Variants in NAA10 observed in about 807,000 individuals in gnomAD.
NAA10 encodes N-alpha-acetyltransferase 10, NatA catalytic subunit, also known as N-alpha-acetyltransferase 10.
NAA10 carries 6 observed loss-of-function variants against 19.2 expected under a neutral mutation model. The observed-to-expected ratio is 0.31, with a 90% CI of 0.17 to 0.62. The LOEUF is 0.62. Among genes scored for constraint, NAA10 ranks in the 20% least tolerant of loss-of-function variants. The pLI, the probability that NAA10 is intolerant of heterozygous loss-of-function variation, is 0.83. For synonymous variants in NAA10, 97 were observed against 79.9 expected (o/e 1.21, Z -1.14); for missense variants, 101 against 198.4 (o/e 0.51, Z 2.95).
chrX:153,931,019 C>T, intron 6 of NAA10, 172 bp from the exon 7 acceptor site: 1 of 1,168,790 alleles, frequency 8.6e-7, no homozygotes, highest in East Asian at 3.1e-5. Context: ...AGCAAAGGCT[C>T]CAGGACACAG....
Position 153,935,010 on chromosome X carries a change from C to T in NAA10, c.-106G>A, listed in dbSNP as rs192489081. ...GGCCGGGGCTGGGACCGGAGCTGGG[C>T]TCGCTGGGCGACGGCGGAAGGGGCG... On this transcript the variant is annotated 5_prime_UTR_variant, in exon 1 of 8. Transcript: ENST00000464845. 3,279 of 781,882 alleles carry T rather than the reference C, an allele frequency of 4.2e-3. 10 individuals are homozygous for T. Among genetic ancestry groups the T allele is most frequent in the African/African-American group, 0.017 (757 of 45,156 alleles). The allele number at this position is 781,882 out of a possible 1,213,427, so 64.4% of individuals were successfully genotyped here. A position where few individuals can be genotyped will look rare whatever the true frequency, so the allele number is the denominator to read the frequency against.
At chrX:153,933,630 C>T (rs1449865888) in intron 3 of NAA10, 10 of 170,623 alleles carry the variant, frequency 5.9e-5, no homozygotes, top group Admixed American at 1.5e-4. Context: ...CAAGATCACG[C>T]GACTGCACTC....
intron 6 of NAA10, chrX:153,931,739 A>G: frequency 5.0e-6 from 5 of 992,784 alleles, no homozygotes; most frequent in Non-Finnish European, 6.4e-6. Context: ...GCTCCTCAGC[A>G]TCTGCTCACG....
intron 6 of NAA10, chrX:153,931,082 A>G: frequency 9.1e-7 from 1 of 1,102,371 alleles, no homozygotes; most frequent in South Asian, 2.1e-5. Context: ...CTGGATACTA[A>G]GGATCCATTT....
At chrX:153,932,679 G>A in intron 3 of NAA10, 95 bp from the exon 4 acceptor site, 1 of 825,654 alleles carries the variant, frequency 1.2e-6, no homozygotes, top group South Asian at 2.2e-5. Context: ...ATGCACTACA[G>A]CCCCCTAAGA....
chrX:153,930,110 G>A lies in NAA10; in HGVS notation c.585C>T (p.Arg195=), dbSNP rs782445168. 11 of 1,208,656 alleles carry A rather than the reference G, an allele frequency of 9.1e-6. No individual in the cohort carries two copies. The highest frequency in any genetic ancestry group is 6.6e-5 in the Admixed American group (3 of 45,692). Residue 195 remains arginine, a synonymous_variant, in exon 8 of 8, where the codon CGC becomes CGT. Coordinates refer to ENST00000464845, the MANE Select transcript of NAA10 (RefSeq NM_003491.4). ...NSPPSSGEAC[R]EEKGLAAEDS... ...CCTCGGCAGCCAGGCCCTTCTCCTC[G>A]CGACAGGCCTCTCCTGAGCTCGGAG...
At chrX:153,934,231 C>T (rs962185699) in intron 2 of NAA10, 146 bp downstream of exon 2, 2 of 591,455 alleles carry the variant, frequency 3.4e-6, no homozygotes, top group Admixed American at 2.7e-5. Context: ...TTTCCTTTGC[C>T]CCTGTCTGCC....
In NAA10 at chrX:153,932,088, G is replaced by A; in HGVS notation, c.369C>T (p.Ser123=). ...KSNRAALHLY[S]NTLNFQISEV... is the part of the protein sequence containing the mutation. ...CTACTTACTGAAAGTTGAGGGTGTT[G>A]GAATAGAGGTGCAGGGCGGCCCGGT... The change falls in exon 6 of 8, where the codon TCC becomes TCT. Residue 123 remains serine, a synonymous_variant. Transcript: ENST00000464845. 8.3e-7 allele frequency: 1 copy of A among 1,212,051 alleles called. No homozygotes were observed. The highest frequency in any genetic ancestry group is 1.1e-6 in the Non-Finnish European group (1 of 895,584).
In NAA10 at chrX:153,933,911, T is replaced by C. The variant is rs146971859; in HGVS notation, c.179+32A>G. 0.015 allele frequency: 18,064 copies of C among 1,171,975 alleles called. 119 individuals are homozygous for C. The highest frequency in any genetic ancestry group is 0.023 in the Admixed American group (1,070 of 45,600). ...CCCACAGAGGCATCCACCAGACACG[T>C]GTAGCTTCTGTCTTCCTCCTTGGTG... On this transcript the variant is annotated intron_variant, in intron 3 of 7. Coordinates refer to ENST00000464845, the MANE Select transcript of NAA10 (RefSeq NM_003491.4).
chrX:153,930,929 G>A lies in NAA10; in HGVS notation c.387-82C>T, dbSNP rs782115369. On this transcript the variant is annotated intron_variant, in intron 6 of 7. Coordinates refer to ENST00000464845, the MANE Select transcript of NAA10 (RefSeq NM_003491.4). Reference sequence around the variant, plus strand: ...CTCCACTCCTGGTATCGTGGCTACTGGAGCAAGGTGCCATGTTTTCTCCCT... The same window carrying A: ...CTCCACTCCTGGTATCGTGGCTACTAGAGCAAGGTGCCATGTTTTCTCCCT... 5.0e-6 allele frequency: 6 copies of A among 1,207,426 alleles called. No individual in the cohort carries two copies. The African/African-American group carries it at 1.1e-4, about 21-fold the overall frequency.
At position 153,929,968 on chromosome X, in the gene NAA10, G is replaced by T. The variant is rs782317845; in HGVS notation, c.*19C>A. The T allele has an allele frequency of 4.3e-6, 5 of 1,174,857 alleles. No individual in the cohort carries two copies. Among genetic ancestry groups the T allele is most frequent in the Non-Finnish European group, 1.2e-6 (1 of 862,399 alleles). The stretch of plus-strand genomic sequence containing the variant: ...TTTATTGTGAAAGCTCGTGGGGTGA[G>T]GAGGGGATGGGGCAGGCTCTAGGAG... On this transcript the variant is annotated 3_prime_UTR_variant, in exon 8 of 8. Coordinates refer to ENST00000464845, the MANE Select transcript of NAA10 (RefSeq NM_003491.4).
Position 153,934,866 on chromosome X carries a change from C to T in NAA10, c.21+18G>A, listed in dbSNP as rs782784635. 3.2e-3 allele frequency: 3,180 copies of T among 1,001,982 alleles called. 10 individuals are homozygous for T. The highest frequency in any genetic ancestry group is 0.01 in the Middle Eastern group (26 of 2,506). 82.6% of individuals were successfully genotyped at this position (1,001,982 alleles called of 1,213,427 possible). On this transcript the variant is annotated intron_variant, in intron 1 of 7. Transcript: ENST00000464845. Reference sequence around the variant, plus strand: ...GGCGCCCACGCGGCGCGGACAGCCTCCCGCCCCGGGCGCTCACCCTCGCAT... The same window carrying T: ...GGCGCCCACGCGGCGCGGACAGCCTTCCGCCCCGGGCGCTCACCCTCGCAT...
chrX:153,933,907 C>A, intron 3 of NAA10, 36 bp downstream of exon 3: 1 of 1,156,148 alleles, frequency 8.6e-7, no homozygotes, highest in Non-Finnish European at 1.2e-6. Flanking sequence ...ATCCACCAGA[C>A]ACGTGTAGCT....
intron 6 of NAA10, chrX:153,931,290 G>A: frequency 1.1e-6 from 1 of 887,644 alleles, no homozygotes; most frequent in Non-Finnish European, 1.4e-6. Flanking sequence ...TCCCTGGAAG[G>A]GGAGCTGGAC....
chrX:153,934,050 A>G, intron 2 of NAA10, 49 bp from the exon 3 acceptor site: 1 of 1,094,897 alleles, frequency 9.1e-7, no homozygotes, highest in Non-Finnish European at 1.3e-6. Context: ...GAGCTAGAAG[A>G]GCCCTTTAGA....
Position 153,933,930 on chromosome X carries a change from C to T in NAA10, c.179+13G>A. On this transcript the variant is annotated intron_variant, in intron 3 of 7. Coordinates refer to ENST00000464845, the MANE Select transcript of NAA10 (RefSeq NM_003491.4). ...GACACGTGTAGCTTCTGTCTTCCTC[C>T]TTGGTGACTCACATTTTGGCCAGGA... 3 of 1,206,647 alleles carry T rather than the reference C, an allele frequency of 2.5e-6. No homozygotes were observed. The highest frequency in any genetic ancestry group is 3.4e-6 in the Non-Finnish European group (3 of 890,801).
intron 3 of NAA10, 176 bp downstream of exon 3, chrX:153,933,767 G>A (rs781930625): frequency 6.8e-5 from 30 of 438,518 alleles, no homozygotes; most frequent in Admixed American, 3.9e-4. Context: ...ACTAACAGAG[G>A]AAGCTGGCAG....
At chrX:153,931,030 C>T (rs1056144563) in intron 6 of NAA10, 183 bp from the exon 7 acceptor site, 25 of 1,151,232 alleles carry the variant, frequency 2.2e-5, no homozygotes, top group Non-Finnish European at 4.6e-6. Flanking sequence ...CAGGACACAG[C>T]GGCCCGCCCC....
At chrX:153,934,308 C>T in intron 2 of NAA10, 69 bp downstream of exon 2, 1 of 957,451 alleles carries the variant, frequency 1.0e-6, no homozygotes, top group African/African-American at 1.9e-5. Flanking sequence ...TGTCCACTCC[C>T]TCCAAGATGG....
Sources: allele counts gnomAD v4.1 joint callset, GRCh38; gene constraint gnomAD v4.1.1; transcripts MANE v1.5; gene names NCBI Gene and HGNC (gene_info 2026-07-23, HGNC 2026-07-21).